TRPC5OS: variants seen among roughly 807,000 people sequenced by gnomAD.
TRPC5OS encodes TRPC5 opposite strand.
For missense variants in TRPC5OS, 64 were observed against 79.3 expected (o/e 0.81, Z 0.73); for synonymous variants, 30 against 29.3 (o/e 1.02, Z -0.08).
chrX:111,885,957 C>T (rs757255838), intron 1 of TRPC5OS, among the ~76,000 whole-genome samples: 21 of 111,688 alleles, frequency 1.9e-4, no homozygotes, highest in Admixed American at 1.6e-3. Context: ...GTTTCTCTGC[C>T]TCCAAAGCCA....
At chrX:111,878,567 A>G (rs1924063460) in intron 1 of TRPC5OS, among the ~76,000 whole-genome samples, 1 of 111,502 alleles carries the variant, frequency 9.0e-6, no homozygotes, top group African/African-American at 3.3e-5. Flanking sequence ...ATTCTTGGAG[A>G]CTGTTCTGTG....
chrX:111,890,400 G>A (rs1271904431), intron 1 of TRPC5OS, among the ~76,000 whole-genome samples: 1 of 111,874 alleles, frequency 8.9e-6, no homozygotes, highest in Non-Finnish European at 1.9e-5. Context: ...AATTCTTCCA[G>A]TGTGGCCCTG....
chrX:111,887,758 C>T (rs901248510), intron 1 of TRPC5OS, among the ~76,000 whole-genome samples: 1 of 112,012 alleles, frequency 8.9e-6, no homozygotes, highest in Non-Finnish European at 1.9e-5. Flanking sequence ...TTAGTCCTTA[C>T]AAATTATTAG....
intron 1 of TRPC5OS, among the ~76,000 whole-genome samples, chrX:111,888,780 G>A (rs1424524567): frequency 9.1e-6 from 1 of 109,492 alleles, no homozygotes; most frequent in Non-Finnish European, 1.9e-5. Context: ...CTGTCAGGAG[G>A]CTGTCAAAAT....
chrX:111,896,278 C>T (rs1277157807), intron 2 of TRPC5OS, 129 bp from the exon 3 acceptor site: 1 of 106,379 alleles, frequency 9.4e-6, no homozygotes, highest in Non-Finnish European at 1.9e-5. Context: ...AGGAAAAAAG[C>T]CCCTGATTGT....
At chrX:111,893,723 C>G (rs1924922232) in intron 1 of TRPC5OS, among the ~76,000 whole-genome samples, 1 of 111,813 alleles carries the variant, frequency 8.9e-6, no homozygotes, top group South Asian at 3.7e-4. Flanking sequence ...CTGCACAATT[C>G]TTTCCTTTCT....
chrX:111,897,064 A>G (rs1207879807), intron 3 of TRPC5OS, among the ~76,000 whole-genome samples: 1 of 112,213 alleles, frequency 8.9e-6, no homozygotes, highest in Non-Finnish European at 1.9e-5. Flanking sequence ...AACATATTCT[A>G]TAAAATTACA....
At chrX:111,897,938 T>C (rs1270672110) in intron 3 of TRPC5OS, among the ~76,000 whole-genome samples, 1 of 110,923 alleles carries the variant, frequency 9.0e-6, no homozygotes, top group Non-Finnish European at 1.9e-5. Context: ...ATTAGTTTTA[T>C]AGGAAACTGA....
intron 1 of TRPC5OS, among the ~76,000 whole-genome samples, chrX:111,881,714 G>C (rs1036028239): frequency 9.1e-6 from 1 of 110,486 alleles, no homozygotes; most frequent in Non-Finnish European, 1.9e-5. Context: ...GTGTGGTTAA[G>C]GTAAGTAAAC....
At chrX:111,892,279 A>G (rs1322593349) in intron 1 of TRPC5OS, among the ~76,000 whole-genome samples, 1 of 112,663 alleles carries the variant, frequency 8.9e-6, no homozygotes, top group Admixed American at 9.4e-5. Context: ...TGATTCACAA[A>G]GGAATACTTG....
intron 3 of TRPC5OS, among the ~76,000 whole-genome samples, chrX:111,898,933 G>A (rs776647335): frequency 3.6e-5 from 4 of 110,414 alleles, no homozygotes; most frequent in South Asian, 7.9e-4. Context: ...GTCCCTTAAA[G>A]TGAGTTAAGG....
chrX:111,877,559 G>A (rs775020942), intron 1 of TRPC5OS, among the ~76,000 whole-genome samples: 1 of 111,350 alleles, frequency 9.0e-6, no homozygotes, highest in Non-Finnish European at 1.9e-5. Flanking sequence ...AGGTAGTGTG[G>A]TGTGTAGGAA....
chrX:111,890,777 A>G (rs1471217361), intron 1 of TRPC5OS, among the ~76,000 whole-genome samples: 1 of 111,740 alleles, frequency 8.9e-6, no homozygotes, highest in Non-Finnish European at 1.9e-5. Context: ...AGGTAAACCC[A>G]TGTCATGGTG....
At position 111,902,365 on chromosome X, in the gene TRPC5OS, T is replaced by C; in HGVS notation, c.*180T>C. ...ACTTCTAGCAAAAGCTGGTCTTTTT[T>C]CATCTTTGTTGTTATTCAGAAAGTT... is the stretch of plus-strand genomic sequence containing the variant. On this transcript the variant is annotated 3_prime_UTR_variant, in exon 4 of 4. Transcript: ENST00000635763. 2.9e-6 allele frequency: 1 copy of C among 342,125 alleles called. No homozygotes were observed. The highest frequency in any genetic ancestry group is 5.5e-5 in the Admixed American group (1 of 18,122). The allele number at this position is 342,125 out of a possible 1,213,427, so 28.2% of individuals were successfully genotyped here.
At chrX:111,885,187 G>A (rs1192225282) in intron 1 of TRPC5OS, among the ~76,000 whole-genome samples, 2 of 112,884 alleles carry the variant, frequency 1.8e-5, no homozygotes, top group Non-Finnish European at 3.7e-5. Context: ...TCTAGATAAG[G>A]CATTGCCAGG....
chrX:111,893,447 T>G (rs771891320), intron 1 of TRPC5OS, among the ~76,000 whole-genome samples: 79 of 111,846 alleles, frequency 7.1e-4, no homozygotes, highest in African/African-American at 2.6e-3. Context: ...GTTTGAACAG[T>G]GTTTTGAGGA....
intron 1 of TRPC5OS, among the ~76,000 whole-genome samples, chrX:111,888,700 A>C (rs1210420317): frequency 9.7e-6 from 1 of 102,817 alleles, no homozygotes; most frequent in Non-Finnish European, 2.0e-5. Flanking sequence ...TCTCAAAAAA[A>C]AAAAAAAAAA....
At position 111,903,515 on chromosome X, in the gene TRPC5OS, TAA is replaced by T. The variant is rs1299980990; in HGVS notation, c.*1331_*1332del. On this transcript the variant is annotated 3_prime_UTR_variant, in exon 4 of 4. Transcript: ENST00000635763. ...ATAAACAGCTGGTAGGCGATTGACA[TAA>T]GTCATGTATCTGAAAGCTCAATTAG... 8.9e-6 allele frequency: 1 copy of T among 112,279 alleles called. No individual in the cohort carries two copies. Among genetic ancestry groups the T allele is most frequent in the East Asian group, 2.8e-4 (1 of 3,586 alleles). 9.3% of individuals were successfully genotyped at this position (112,279 alleles called of 1,213,427 possible).
intron 1 of TRPC5OS, among the ~76,000 whole-genome samples, chrX:111,879,060 G>A (rs1206030124): frequency 8.9e-6 from 1 of 111,978 alleles, no homozygotes; most frequent in African/African-American, 3.2e-5. Context: ...GGTGTGTAAT[G>A]TTTCTGCAAC....
Sources: gnomAD v4.1 joint callset for allele counts (sites outside exome capture counted in the v4.1 genomes callset) on GRCh38, gnomAD v4.1.1 for gene constraint, MANE v1.5 for transcripts, NCBI Gene and HGNC (gene_info 2026-07-23, HGNC 2026-07-21) for gene names.